The following RGS7BP variants were observed in gnomAD, a reference collection of about 807,000 sequenced individuals.
RGS7BP encodes the protein regulator of G protein signaling 7 binding protein.
RGS7BP carries 9 observed loss-of-function variants against 31.3 expected under a neutral mutation model. That is an observed-to-expected ratio of 0.29 (90% CI 0.17 to 0.50). RGS7BP has a LOEUF of 0.50. Among genes scored for constraint, RGS7BP ranks in the 20% least tolerant of loss-of-function variants. RGS7BP has a pLI of 0.98. For missense variants in RGS7BP, 274 were observed against 322.0 expected (o/e 0.85, Z 1.14); for synonymous variants, 115 against 120.1 (o/e 0.96, Z 0.28).
chr5:64,600,243 TC>T (rs1282390501), intron 5 of RGS7BP, among the ~76,000 whole-genome samples: 1 of 152,142 alleles, frequency 6.6e-6, no homozygotes, highest in East Asian at 1.9e-4. Flanking sequence ...CATTCAGCTT[TC>T]CTAGAGGATG....
chr5:64,526,751 A>G (rs1318019647), intron 2 of RGS7BP, among the ~76,000 whole-genome samples: 1 of 152,032 alleles, frequency 6.6e-6, no homozygotes, highest in Admixed American at 6.5e-5. Flanking sequence ...CAGAAATTCA[A>G]CCCTGGGGTT....
chr5:64,560,627 C>T (rs112086791), intron 2 of RGS7BP, among the ~76,000 whole-genome samples: 3,334 of 151,620 alleles, frequency 0.022, 147 homozygotes, highest in African/African-American at 0.074. Context: ...TATAGAAATG[C>T]ATGATATACA....
At chr5:64,568,991 G>A (rs1286770606) in intron 2 of RGS7BP, among the ~76,000 whole-genome samples, 1 of 152,096 alleles carries the variant, frequency 6.6e-6, no homozygotes, top group Non-Finnish European at 1.5e-5. Context: ...GCTAGAAACT[G>A]TAAAAGGTGC....
intron 3 of RGS7BP, among the ~76,000 whole-genome samples, chr5:64,590,653 T>C (rs1313135556): frequency 6.6e-6 from 1 of 152,186 alleles, no homozygotes; most frequent in East Asian, 1.9e-4. Context: ...ATTTATAGTT[T>C]CCTTTGCAGT....
intron 2 of RGS7BP, among the ~76,000 whole-genome samples, chr5:64,525,274 C>T (rs186013524): frequency 2.0e-4 from 31 of 152,208 alleles, no homozygotes; most frequent in African/African-American, 7.5e-4. Flanking sequence ...AATGTAGGAG[C>T]GTCTCCACCC....
chr5:64,594,551 A>G (rs924139700), intron 3 of RGS7BP, among the ~76,000 whole-genome samples, 159 bp from the exon 4 acceptor site: 3 of 152,146 alleles, frequency 2.0e-5, no homozygotes, highest in Admixed American at 2.0e-4. Context: ...ATACTCATAC[A>G]TGTATATACC....
At chr5:64,547,040 T>G (rs1459129590) in intron 2 of RGS7BP, among the ~76,000 whole-genome samples, 1 of 152,220 alleles carries the variant, frequency 6.6e-6, no homozygotes, top group East Asian at 1.9e-4. Flanking sequence ...TTTCAGCATA[T>G]CTGTGAGATT....
intron 5 of RGS7BP, 121 bp from the exon 6 acceptor site, chr5:64,609,040 G>A: frequency 4.3e-6 from 3 of 692,364 alleles, no homozygotes; most frequent in South Asian, 1.6e-5. Context: ...GGTCCAAAAT[G>A]CCAACAGTGC....
chr5:64,534,812 G>A (rs1749463808), intron 2 of RGS7BP, among the ~76,000 whole-genome samples: 1 of 152,256 alleles, frequency 6.6e-6, no homozygotes, highest in South Asian at 2.1e-4. Context: ...CACTGGCATA[G>A]AGGTGGTATT....
Position 64,512,287 on chromosome 5 carries a change from G to T in RGS7BP, c.332+4410G>T, listed in dbSNP as rs1234050870. Among the ~76,000 whole-genome samples, 7 of 152,152 alleles carry T rather than the reference G, an allele frequency of 4.6e-5. No homozygotes were observed. The East Asian group carries it at 1.3e-3, about 29-fold the overall frequency. ...ACATGAGAGACAGTAGAGTGTGATG[G>T]GAAAGAGCACTGATTCTAAATCAGA... On this transcript the variant is annotated intron_variant, in intron 2 of 5. Coordinates refer to ENST00000334025, the MANE Select transcript of RGS7BP (RefSeq NM_001029875.3).
intron 2 of RGS7BP, among the ~76,000 whole-genome samples, chr5:64,516,452 A>G (rs1748978755): frequency 6.6e-6 from 1 of 152,098 alleles, no homozygotes; most frequent in Non-Finnish European, 1.5e-5. Context: ...GTACGTCCTA[A>G]TCGGTCTCCT....
At chr5:64,528,894 G>C (rs1749302525) in intron 2 of RGS7BP, among the ~76,000 whole-genome samples, 1 of 150,062 alleles carries the variant, frequency 6.7e-6, no homozygotes. Context: ...AGAATTAAAT[G>C]ATGTGATATA....
chr5:64,547,183 A>G, intron 2 of RGS7BP, among the ~76,000 whole-genome samples: 1 of 152,232 alleles, frequency 6.6e-6, no homozygotes, highest in East Asian at 1.9e-4. Context: ...TTGTGAAATA[A>G]GCTGCTATGA....
chr5:64,609,908 C>T lies in RGS7BP; in HGVS notation c.*656C>T, dbSNP rs956416919. 1 of 152,362 alleles carries T rather than the reference C, an allele frequency of 6.6e-6. No individual in the cohort carries two copies. The highest frequency in any genetic ancestry group is 1.5e-5 in the Non-Finnish European group (1 of 67,936). 9.4% of individuals were successfully genotyped at this position (152,362 alleles called of 1,614,324 possible). On this transcript the variant is annotated 3_prime_UTR_variant, in exon 6 of 6. Transcript: ENST00000334025. ...AAAATTTTGTAAATACACAATAATC[C>T]TAATACCTTCGTACAAATGCATATG...
intron 2 of RGS7BP, among the ~76,000 whole-genome samples, chr5:64,542,526 T>C (rs1741551808): frequency 6.6e-6 from 1 of 152,226 alleles, no homozygotes; most frequent in African/African-American, 2.4e-5. Flanking sequence ...ATCAAGTCTA[T>C]GCTGCCCAAA....
intron 2 of RGS7BP, among the ~76,000 whole-genome samples, chr5:64,563,859 T>C (rs1193512214): frequency 1.3e-5 from 2 of 152,188 alleles, no homozygotes; most frequent in Non-Finnish European, 2.9e-5. Context: ...TTCAAGATAA[T>C]ATTAACTTGG....
At chr5:64,532,561 CT>C (rs1034367037) in intron 2 of RGS7BP, among the ~76,000 whole-genome samples, 3 of 152,148 alleles carry the variant, frequency 2.0e-5, no homozygotes, top group Admixed American at 6.5e-5. Context: ...AAGCCATTTC[CT>C]TTTAAAAACA....
Position 64,507,784 on chromosome 5 carries a change from G to A in RGS7BP, c.239G>A (p.Ser80Asn), listed in dbSNP as rs776312108. 1.9e-6 allele frequency: 3 copies of A among 1,613,952 alleles called. No individual in the cohort carries two copies. Among genetic ancestry groups the A allele is most frequent in the Non-Finnish European group, 2.5e-6 (3 of 1,179,962 alleles). Residue 80 changes from serine (S) to asparagine (N), a missense_variant, in exon 2 of 6, where the codon AGC becomes AAC. Ser to Asn is a conservative substitution (Grantham distance 46). Transcript: ENST00000334025. ...ATTTCTATTGGGGATGTCTCGGTCAGCTGCCCCTCACTCCGGGCGGAAATG... is the reference window on the plus strand; with the variant it reads ...ATTTCTATTGGGGATGTCTCGGTCAACTGCCCCTCACTCCGGGCGGAAATG... ...LVISIGDVSVSCPSLRAEMHK... is the reference protein window; with the variant it reads ...LVISIGDVSVNCPSLRAEMHK...
At chr5:64,544,113 CTTCA>C (rs2111818227) in intron 2 of RGS7BP, among the ~76,000 whole-genome samples, 1 of 152,284 alleles carries the variant, frequency 6.6e-6, no homozygotes, top group African/African-American at 2.4e-5. Flanking sequence ...TTAACTTACT[CTTCA>C]TTCATTCAAC....
Sources: allele counts gnomAD v4.1 joint callset (sites outside exome capture counted in the v4.1 genomes callset), GRCh38; gene constraint gnomAD v4.1.1; transcripts MANE v1.5; gene names NCBI Gene and HGNC (gene_info 2026-07-23, HGNC 2026-07-21).